The following MAP4 variants were observed in gnomAD, a reference collection of about 807,000 sequenced individuals.
The protein encoded by MAP4 is microtubule-associated protein 4.
A neutral mutation model predicts 170.2 loss-of-function variants in MAP4; 76 were observed. The ratio of observed to expected loss-of-function variants is 0.45; its 90% CI spans 0.37 to 0.54. MAP4 has a LOEUF of 0.54. Among genes scored for constraint, MAP4 ranks in the 20% least tolerant of loss-of-function variants. The pLI is 0.00. For missense variants in MAP4, 2,506 were observed against 2,748.0 expected, an observed-to-expected ratio of 0.91 and a Z score of 1.97; for synonymous variants, 909 against 994.5, an observed-to-expected ratio of 0.91 and a Z score of 1.62.
At chr3:47,926,323 A>G (rs1459590478) in intron 4 of MAP4, among the ~76,000 whole-genome samples, 1 of 151,760 alleles carries the variant, frequency 6.6e-6, no homozygotes, top group Non-Finnish European at 1.5e-5. Context: ...AGCTGGCATT[A>G]CAGGCGCCCG....
At chr3:47,935,390 G>A (rs769992921) in intron 3 of MAP4, among the ~76,000 whole-genome samples, 6 of 152,142 alleles carry the variant, frequency 3.9e-5, no homozygotes, top group Non-Finnish European at 8.8e-5. Flanking sequence ...CACTTTGGAT[G>A]AAACACATTT....
At chr3:47,967,099 G>C (rs2100075568) in intron 3 of MAP4, among the ~76,000 whole-genome samples, 1 of 152,230 alleles carries the variant, frequency 6.6e-6, no homozygotes, top group African/African-American at 2.4e-5. Flanking sequence ...CACTTTGGGA[G>C]GCCGAGGCGG....
chr3:47,951,946 A>T (rs1440821583), intron 3 of MAP4, among the ~76,000 whole-genome samples: 1 of 149,484 alleles, frequency 6.7e-6, no homozygotes, highest in Non-Finnish European at 1.5e-5. Context: ...GGAAGTGTGG[A>T]GCGTCTCTGC....
chr3:48,021,272 G>A (rs1036749565), upstream of MAP4, among the ~76,000 whole-genome samples: 2 of 152,012 alleles, frequency 1.3e-5, no homozygotes, highest in Non-Finnish European at 1.5e-5. Context: ...AACCTATAAG[G>A]TTTTATTTTA....
chr3:47,979,937 G>A (rs759081063), intron 2 of MAP4, among the ~76,000 whole-genome samples: 12 of 151,902 alleles, frequency 7.9e-5, no homozygotes, highest in Admixed American at 1.3e-4. Flanking sequence ...CAATCCTCCC[G>A]CCTCAGCCTC....
chr3:48,064,071 A>C (rs1307653930), intron 1 of MAP4, among the ~76,000 whole-genome samples: 2 of 152,184 alleles, frequency 1.3e-5, no homozygotes, highest in Non-Finnish European at 2.9e-5. Context: ...CTTAGTTTAC[A>C]GTTTAGGTTA....
intron 10 of MAP4, among the ~76,000 whole-genome samples, chr3:47,887,815 C>A (rs1478483854): frequency 2.7e-5 from 4 of 148,062 alleles, no homozygotes; most frequent in African/African-American, 1.0e-4. Flanking sequence ...CCTTGGAAAA[C>A]CTTTATGTCT....
intron 1 of MAP4, among the ~76,000 whole-genome samples, chr3:48,032,279 G>C (rs1162431406): frequency 1.3e-5 from 2 of 152,062 alleles, no homozygotes; most frequent in Non-Finnish European, 2.9e-5. Flanking sequence ...TATGAAAATT[G>C]AGGTCAGGAG....
intron 17 of MAP4, 64 bp from the exon 18 acceptor site, chr3:47,857,576 C>CCAACCCTTTT (rs2058733978): frequency 1.9e-5 from 21 of 1,100,022 alleles, no homozygotes; most frequent in East Asian, 9.5e-5. Context: ...CAACCCCATG[C>CCAACCCTTTT]TACCTTTTAA....
chr3:48,023,452 G>A (rs1275232600), intron 1 of MAP4, among the ~76,000 whole-genome samples: 2 of 152,190 alleles, frequency 1.3e-5, no homozygotes, highest in African/African-American at 4.8e-5. Flanking sequence ...AGATGGAGAT[G>A]ACTCCAAAAC....
At chr3:48,046,650 T>C (rs749522841) in intron 1 of MAP4, among the ~76,000 whole-genome samples, 1 of 152,176 alleles carries the variant, frequency 6.6e-6, no homozygotes, top group East Asian at 1.9e-4. Flanking sequence ...TTCTAACAGT[T>C]AGAAAAATAA....
At chr3:48,028,054 G>A (rs1400098446) in intron 1 of MAP4, among the ~76,000 whole-genome samples, 1 of 152,202 alleles carries the variant, frequency 6.6e-6, no homozygotes, top group Non-Finnish European at 1.5e-5. Context: ...TACTTTGGGA[G>A]GCCAAGGTGG....
chr3:47,863,527 T>TC (rs2072388295), intron 17 of MAP4, among the ~76,000 whole-genome samples: 1 of 151,818 alleles, frequency 6.6e-6, no homozygotes, highest in South Asian at 2.1e-4. Context: ...CTCTCTGTGG[T>TC]CCTAGGAGCA....
At chr3:48,076,178 C>T (rs189895694) in intron 1 of MAP4, among the ~76,000 whole-genome samples, 137 of 151,628 alleles carry the variant, frequency 9.0e-4, no homozygotes, top group African/African-American at 3.2e-3. Flanking sequence ...CCCAGGAGTT[C>T]GAGATCAGCC....
intron 3 of MAP4, among the ~76,000 whole-genome samples, chr3:47,969,750 A>G (rs1353821642): frequency 6.6e-6 from 1 of 151,790 alleles, no homozygotes; most frequent in Non-Finnish European, 1.5e-5. Flanking sequence ...GGCACCACAC[A>G]TGTGCAAATC....
At position 47,878,287 on chromosome 3, in the gene MAP4, A is replaced by G. The variant is rs550389203; in HGVS notation, c.5435-764T>C. On this transcript the variant is annotated intron_variant, in intron 10 of 20. Transcript: ENST00000683076. ...AAACTTCAATGTGGCAAAAAACAAAATAAGACAAAACACTATAATAAAAGT... is the reference window on the plus strand; with the variant it reads ...AAACTTCAATGTGGCAAAAAACAAAGTAAGACAAAACACTATAATAAAAGT... Among the ~76,000 whole-genome samples, 10 of 152,366 alleles carry G rather than the reference A, an allele frequency of 6.6e-5. No individual in the cohort carries two copies. The East Asian group carries it at 1.9e-3, about 29-fold the overall frequency.
At chr3:47,994,911 T>A (rs887535821) in intron 2 of MAP4, among the ~76,000 whole-genome samples, 2 of 149,326 alleles carry the variant, frequency 1.3e-5, no homozygotes, top group African/African-American at 5.0e-5. Flanking sequence ...ATCGTGCCAC[T>A]GCACTCCAGC....
chr3:47,891,043 AAACAGGAACGATGG>A, intron 10 of MAP4: 1 of 1,489,584 alleles, frequency 6.7e-7, no homozygotes, highest in Non-Finnish European at 8.9e-7. Flanking sequence ...GGGGCTTTTC[AAACAGGAACGATGG>A]AGTGCTCTGG....
At chr3:47,929,812 T>C (rs1469730698) in intron 3 of MAP4, among the ~76,000 whole-genome samples, 1 of 151,424 alleles carries the variant, frequency 6.6e-6, no homozygotes, top group Non-Finnish European at 1.5e-5. Flanking sequence ...ACCATGAAAA[T>C]TTAAAACTTT....
Sources: allele counts gnomAD v4.1 joint callset (sites outside exome capture counted in the v4.1 genomes callset), GRCh38; gene constraint gnomAD v4.1.1; transcripts MANE v1.5; gene names NCBI Gene and HGNC (gene_info 2026-07-23, HGNC 2026-07-21).